The following RB1CC1 variants were observed in gnomAD, a reference collection of about 807,000 sequenced individuals.
The protein encoded by RB1CC1 is RB1 inducible coiled-coil 1.
A neutral mutation model predicts 177.5 loss-of-function variants in RB1CC1; 46 were observed. The observed-to-expected ratio is 0.26, with a 90% CI of 0.20 to 0.33. The LOEUF (loss-of-function observed/expected upper bound fraction) is 0.33, where lower values mean the gene tolerates loss of function less well. Ranked by LOEUF, RB1CC1 falls within the 10% of genes least tolerant of loss-of-function variation. The pLI is 1.00. For synonymous variants in RB1CC1, 666 were observed against 613.6 expected, an observed-to-expected ratio of 1.09 and a Z score of -1.26; for missense variants, 1,703 against 1,816.3, an observed-to-expected ratio of 0.94 and a Z score of 1.13.
chr8:52,678,939 C>T (rs1236093281), intron 5 of RB1CC1, among the ~76,000 whole-genome samples: 1 of 152,090 alleles, frequency 6.6e-6, no homozygotes, highest in Non-Finnish European at 1.5e-5. Flanking sequence ...GATGTCTTTG[C>T]CTGCTTCTCC....
intron 21 of RB1CC1, 24 bp downstream of exon 21, chr8:52,630,444 AAT>A: frequency 6.5e-7 from 1 of 1,546,602 alleles, no homozygotes; most frequent in Non-Finnish European, 8.7e-7. Flanking sequence ...TTCACAGAAA[AAT>A]ACTCACAAAA....
intron 16 of RB1CC1, 69 bp downstream of exon 16, chr8:52,645,633 G>T: frequency 1.4e-6 from 2 of 1,478,850 alleles, no homozygotes; most frequent in Non-Finnish European, 1.8e-6. Context: ...GCTACATAAA[G>T]AAATTATATT....
chr8:52,677,325 A>T (rs767128089), intron 5 of RB1CC1, among the ~76,000 whole-genome samples: 8 of 152,196 alleles, frequency 5.3e-5, no homozygotes, highest in Admixed American at 3.3e-4. Flanking sequence ...ATGAACAAAG[A>T]TAGGGAAAGA....
chr8:52,656,881 A>G lies in RB1CC1; in HGVS notation c.2948T>C (p.Leu983Ser). 6.2e-7 allele frequency: 1 copy of G among 1,613,382 alleles called. No individual in the cohort carries two copies. The highest frequency in any genetic ancestry group is 8.5e-7 in the Non-Finnish European group (1 of 1,179,954). ...LQLLRAELQS[L>S]EQSHLKELED... ...TAATTCCTTTAGATGACTTTGCTCC[A>G]AGGACTGAAGTTCTGCCCTCAATAA... is the stretch of plus-strand genomic sequence containing the variant. Residue 983 changes from leucine (L) to serine (S), a missense_variant, in exon 15 of 24, where the codon TTG (leucine) becomes TCG (serine). Around this residue, in one of 6 missense-constraint regions of RB1CC1, gnomAD observed 1,169 missense variants for 1,184.7 expected, o/e 0.99. Transcript: ENST00000025008.
At chr8:52,661,506 C>T (rs370145228) in intron 9 of RB1CC1, 29 bp downstream of exon 9, 1 of 1,551,386 alleles carries the variant, frequency 6.4e-7, no homozygotes, top group Non-Finnish European at 8.7e-7. Flanking sequence ...TTCTAAACAT[C>T]TTAAAACAGA....
In RB1CC1 at chr8:52,686,425, G is replaced by T. The variant is rs552148646; in HGVS notation, c.-52+428C>A. Reference sequence around the variant, plus strand: ...GACACACTTGGTGGCGCATGCCTGTGGTCCTAGCAACTTGGGAGGCTGAGG... The same window carrying T: ...GACACACTTGGTGGCGCATGCCTGTTGTCCTAGCAACTTGGGAGGCTGAGG... On this transcript the variant is annotated intron_variant, in intron 2 of 23. Transcript: ENST00000025008. 9.9e-5 allele frequency among the ~76,000 whole-genome samples: 15 copies of T among 152,198 alleles called. No homozygotes were observed. The South Asian group carries it at 3.1e-3, about 32-fold the overall frequency.
At position 52,658,796 on chromosome 8, in the gene RB1CC1, G is replaced by T. The variant is rs1851332314; in HGVS notation, c.1793+77C>A. On this transcript the variant is annotated intron_variant, in intron 13 of 23. Transcript: ENST00000025008. The stretch of plus-strand genomic sequence containing the variant: ...ATCTTGGCACCTCTTAAGATTACTG[G>T]TACTACCTGGCACAACTCCAGAATA... The T allele has an allele frequency of 7.1e-6, 7 of 981,446 alleles. No individual in the cohort carries two copies. In the South Asian group the frequency reaches 1.1e-4, roughly 16 times the overall value. The allele number at this position is 981,446 out of a possible 1,614,324, so 60.8% of individuals were successfully genotyped here. A position where few individuals can be genotyped will look rare whatever the true frequency, so the allele number is the denominator to read the frequency against.
intron 15 of RB1CC1, among the ~76,000 whole-genome samples, chr8:52,650,096 C>G (rs929655940): frequency 6.6e-6 from 1 of 152,148 alleles, no homozygotes. Flanking sequence ...AATGTTTCTC[C>G]TTGGCAGCTG....
chr8:52,658,050 T>C lies in RB1CC1; in HGVS notation c.1868A>G (p.Gln623Arg), dbSNP rs1354687035. 2 of 1,614,108 alleles carry C rather than the reference T, an allele frequency of 1.2e-6. No homozygotes were observed. Among genetic ancestry groups the C allele is most frequent in the Non-Finnish European group, 1.7e-6 (2 of 1,180,008 alleles). ...LALHNLVKAA[Q>R]SLDEMSQTIT... ...GGTCTGTGACATTTCATCCAAACTT[T>C]GTGCTGCTTTTACCAAATTATGTAG... Residue 623 changes from glutamine (Q) to arginine (R), a missense_variant, in exon 14 of 24, where the codon CAA becomes CGA. Transcript: ENST00000025008.
In RB1CC1 at chr8:52,657,925, A is replaced by C; in HGVS notation, c.1921-17T>G. 6.2e-7 allele frequency: 1 copy of C among 1,612,104 alleles called. No homozygotes were observed. The highest frequency in any genetic ancestry group is 8.5e-7 in the Non-Finnish European group (1 of 1,178,956). On this transcript the variant is annotated splice_polypyrimidine_tract_variant and intron_variant, in intron 14 of 23. Coordinates refer to ENST00000025008, the MANE Select transcript of RB1CC1 (RefSeq NM_014781.5). ...CACAGATGCCTGGAAAACAGAAAGA[A>C]AGGCTTAAAGAGCTGCAGGAACACA...
chr8:52,660,657 C>T lies in RB1CC1; in HGVS notation c.1628G>A (p.Arg543Lys). 6.3e-7 allele frequency: 1 copy of T among 1,595,238 alleles called. No homozygotes were observed. Among genetic ancestry groups the T allele is most frequent in the Non-Finnish European group, 8.5e-7 (1 of 1,173,796 alleles). ...SKRESFGKLF[R>K]KSFLRNRLFR... is the part of the protein sequence containing the mutation. ...CAGACGATTTCTTAAAAAAGACTTC[C>T]CTGTATAAAGAAATTAACAATATGG... Residue 543 changes from arginine (R) to lysine (K), a missense_variant and splice_region_variant, in exon 12 of 24, where the codon AGG (arginine) becomes AAG (lysine). Coordinates refer to ENST00000025008, the MANE Select transcript of RB1CC1 (RefSeq NM_014781.5).
Position 52,710,300 on chromosome 8 carries a change from G to T in RB1CC1, c.-167+3775C>A, listed in dbSNP as rs547819897. 1.6e-4 allele frequency among the ~76,000 whole-genome samples: 25 copies of T among 152,276 alleles called. No individual in the cohort carries two copies. The South Asian group carries it at 1.7e-3, about 10-fold the overall frequency. On this transcript the variant is annotated intron_variant, in intron 1 of 23. Coordinates refer to ENST00000025008, the MANE Select transcript of RB1CC1 (RefSeq NM_014781.5). ...TTCAGACTTCCTAAATATACGCCTT[G>T]TCTACAAACTAGACAAGCAACTTCG...
chr8:52,676,220 T>TA (rs1284039181), intron 6 of RB1CC1, 149 bp downstream of exon 6: 2 of 668,788 alleles, frequency 3.0e-6, no homozygotes, highest in East Asian at 5.8e-5. Context: ...AACTATAACC[T>TA]ACAAATCACT....
chr8:52,630,117 A>G (rs901085720), intron 21 of RB1CC1, among the ~76,000 whole-genome samples: 3 of 152,224 alleles, frequency 2.0e-5, no homozygotes, highest in African/African-American at 7.2e-5. Flanking sequence ...AAAATGAGGA[A>G]ACACTGCAAC....
chr8:52,674,133 A>G lies in RB1CC1; in HGVS notation c.714T>C (p.Thr238=). 6.2e-7 allele frequency: 1 copy of G among 1,614,152 alleles called. No individual in the cohort carries two copies. Among genetic ancestry groups the G allele is most frequent in the Non-Finnish European group, 8.5e-7 (1 of 1,179,992 alleles). The change falls in exon 7 of 24, where the codon ACT becomes ACC. Residue 238 remains threonine (T), a synonymous_variant. Coordinates refer to ENST00000025008, the MANE Select transcript of RB1CC1 (RefSeq NM_014781.5). ...GCATATCAGGAGAGAGCACCAGTTC[A>G]GTGGATCTTTTCATCTCAGCTTTTT... is the stretch of plus-strand genomic sequence containing the variant. ...DSEKAEMKRS[T]ELVLSPDMPR...
chr8:52,657,176 T>C lies in RB1CC1; in HGVS notation c.2653A>G (p.Thr885Ala). 1 of 1,606,302 alleles carries C rather than the reference T, an allele frequency of 6.2e-7. No homozygotes were observed. The change falls in exon 15 of 24, where the codon ACT becomes GCT. Residue 885 changes from threonine to alanine, a missense_variant. By Grantham distance (58) the Thr-to-Ala change is moderately conservative. Around this residue, in one of 6 missense-constraint regions of RB1CC1, gnomAD observed 1,169 missense variants for 1,184.7 expected, o/e 0.99. Transcript: ENST00000025008. ...TTAATTTTGTTTTCATTCTCTTCAG[T>C]TTCCTTTATTAGTCCGTCAAGTTTA... is the stretch of plus-strand genomic sequence containing the variant. Reference protein sequence around the residue: ...EGKLDGLIKETEENENKIKKL... With the variant: ...EGKLDGLIKEAEENENKIKKL...
At chr8:52,704,279 T>C (rs1354795494) in intron 1 of RB1CC1, among the ~76,000 whole-genome samples, 1 of 152,090 alleles carries the variant, frequency 6.6e-6, no homozygotes, top group Admixed American at 6.5e-5. Flanking sequence ...ACATTAAACA[T>C]GAGTCTAACA....
chr8:52,691,956 A>T (rs1854904370), intron 1 of RB1CC1, among the ~76,000 whole-genome samples: 1 of 152,252 alleles, frequency 6.6e-6, no homozygotes. Flanking sequence ...TTCATTGTAT[A>T]CCACTCATAA....
chr8:52,699,819 A>G (rs1855843945), intron 1 of RB1CC1, among the ~76,000 whole-genome samples: 1 of 97,306 alleles, frequency 1.0e-5, no homozygotes, highest in Non-Finnish European at 2.2e-5. Context: ...AAAAAAAAAA[A>G]AAAAAAAAAA....
Sources: gnomAD v4.1 joint callset for allele counts (sites outside exome capture counted in the v4.1 genomes callset) on GRCh38, gnomAD v4.1.1 for gene constraint, gnomAD v4.1.1 regional missense constraint, MANE v1.5 for transcripts, NCBI Gene and HGNC (gene_info 2026-07-23, HGNC 2026-07-21) for gene names.